RUSC2: variants seen among roughly 807,000 people sequenced by gnomAD.
RUSC2 encodes the protein RUN and SH3 domain containing 2, also known as AP-4 complex accessory subunit RUSC2.
RUSC2 carries 34 observed loss-of-function variants against 122.2 expected under a neutral mutation model. The ratio of observed to expected loss-of-function variants is 0.28; its 90% CI spans 0.21 to 0.37. The LOEUF (loss-of-function observed/expected upper bound fraction) is 0.37, where lower values mean the gene tolerates loss of function less well. Among genes scored for constraint, RUSC2 ranks in the 10% least tolerant of loss-of-function variants. RUSC2 has a pLI of 1.00. For synonymous variants in RUSC2, 784 were observed against 790.0 expected, an observed-to-expected ratio of 0.99 and a Z score of 0.13; for missense variants, 1,747 against 1,952.4, an observed-to-expected ratio of 0.89 and a Z score of 1.98.
At chr9:35,542,561 T>G (rs1161833937) in intron 1 of RUSC2, among the ~76,000 whole-genome samples, 1 of 152,204 alleles carries the variant, frequency 6.6e-6, no homozygotes, top group African/African-American at 2.4e-5. Flanking sequence ...CCAGAATAAA[T>G]GTTAAAACTC....
chr9:35,546,286 T>C lies in RUSC2; in HGVS notation c.-92-144T>C. ...GCATGGTTACGTCCCCACCTGCCTA[T>C]TGGGCTGTGTGGTCAAGCTCCATCT... On this transcript the variant is annotated intron_variant, in intron 1 of 11. Coordinates refer to ENST00000361226, the MANE Select transcript of RUSC2 (RefSeq NM_014806.5). The surrounding 1 kb of genome is among the most constrained non-coding windows in gnomAD (Gnocchi z 4.3). 2.8e-6 allele frequency: 1 copy of C among 354,880 alleles called. No homozygotes were observed. The highest frequency in any genetic ancestry group is 5.0e-6 in the Non-Finnish European group (1 of 198,432). 22.0% of individuals were successfully genotyped at this position (354,880 alleles called of 1,614,324 possible).
rs528846729 is a variant in RUSC2 at position 35,523,435 on chromosome 9, C to A, written c.-92-22995C>A. Among the ~76,000 whole-genome samples, 26 of 152,210 alleles carry A rather than the reference C, an allele frequency of 1.7e-4. 1 individual carries two copies. In the South Asian group the frequency reaches 4.8e-3, roughly 28 times the overall value. On this transcript the variant is annotated intron_variant, in intron 1 of 11. Transcript: ENST00000361226. ...CAGGAACTCTGAACTATCTTTGCAA[C>A]TTTTTATAACTGTAAATTATTCCAA...
At chr9:35,493,697 T>C (rs953531287) in intron 1 of RUSC2, among the ~76,000 whole-genome samples, 1 of 152,018 alleles carries the variant, frequency 6.6e-6, no homozygotes, top group Non-Finnish European at 1.5e-5. Flanking sequence ...GAGAGGGGGT[T>C]TCACCACGTT....
At chr9:35,502,778 T>C (rs1353110319) in intron 1 of RUSC2, among the ~76,000 whole-genome samples, 1 of 152,196 alleles carries the variant, frequency 6.6e-6, no homozygotes, top group Non-Finnish European at 1.5e-5. Flanking sequence ...TGTGGTTTTA[T>C]AGTACTTTTA....
At chr9:35,539,226 T>A (rs1046048174) in intron 1 of RUSC2, 1 of 7,092 alleles carries the variant, frequency 1.4e-4, no homozygotes, top group Non-Finnish European at 2.4e-4. Context: ...AGGGGGGCGG[T>A]GCGGGGGGGG....
intron 1 of RUSC2, among the ~76,000 whole-genome samples, chr9:35,497,775 G>T (rs1442877635): frequency 6.6e-6 from 1 of 152,168 alleles, no homozygotes; most frequent in Non-Finnish European, 1.5e-5. Flanking sequence ...AGATCATTGG[G>T]CATGCAGATT....
chr9:35,529,675 CAT>C (rs1423278862), intron 1 of RUSC2, among the ~76,000 whole-genome samples: 11 of 151,292 alleles, frequency 7.3e-5, no homozygotes, highest in African/African-American at 1.5e-4. Flanking sequence ...GCTCCAGGGT[CAT>C]GACTGGATAT....
intron 1 of RUSC2, among the ~76,000 whole-genome samples, chr9:35,512,091 G>A (rs1821020426): frequency 6.6e-6 from 1 of 152,094 alleles, no homozygotes; most frequent in Non-Finnish European, 1.5e-5. Flanking sequence ...TGAGGCAGGA[G>A]AATGGCATGA....
intron 1 of RUSC2, among the ~76,000 whole-genome samples, chr9:35,531,077 G>A (rs1821409109): frequency 6.6e-6 from 1 of 151,878 alleles, no homozygotes; most frequent in Non-Finnish European, 1.5e-5. Context: ...GGCTAACATG[G>A]TGAAACCCCG....
chr9:35,509,632 A>G (rs1006726558), intron 1 of RUSC2, among the ~76,000 whole-genome samples: 2 of 152,264 alleles, frequency 1.3e-5, no homozygotes, highest in Non-Finnish European at 2.9e-5. Flanking sequence ...TATTGAAAAG[A>G]AAACACTGGC....
chr9:35,537,901 CT>C (rs1260919303), intron 1 of RUSC2, among the ~76,000 whole-genome samples: 1 of 152,230 alleles, frequency 6.6e-6, no homozygotes, highest in Non-Finnish European at 1.5e-5. Flanking sequence ...CTCACCGCTA[CT>C]TCCTGTACAA....
At chr9:35,539,822 C>G (rs1821607882) in intron 1 of RUSC2, among the ~76,000 whole-genome samples, 1 of 152,176 alleles carries the variant, frequency 6.6e-6, no homozygotes, top group African/African-American at 2.4e-5. Flanking sequence ...GCCCTCCTCC[C>G]TTTGATCCTA....
chr9:35,556,032 A>T lies in RUSC2; in HGVS notation c.2737A>T (p.Ser913Cys). Reference sequence around the variant, plus strand: ...ACTAGGGCCACCTGGTTTGTCAGGGAGCCTAGACCGAAGATCACAAGAAGC... The same window carrying T: ...ACTAGGGCCACCTGGTTTGTCAGGGTGCCTAGACCGAAGATCACAAGAAGC... ...NPLGPPGLSGSLDRRSQEARL... is the reference protein window; with the variant it reads ...NPLGPPGLSGCLDRRSQEARL... Residue 913 changes from serine to cysteine, a missense_variant, in exon 4 of 12, where the codon AGC (serine) becomes TGC (cysteine). Physicochemically the swap from Ser to Cys is moderately radical, Grantham distance 112. Transcript: ENST00000361226. The T allele has an allele frequency of 6.2e-7, 1 of 1,614,198 alleles. No individual in the cohort carries two copies. The highest frequency in any genetic ancestry group is 8.5e-7 in the Non-Finnish European group (1 of 1,180,030).
chr9:35,525,578 T>C (rs1055918061), intron 1 of RUSC2, among the ~76,000 whole-genome samples: 1 of 151,960 alleles, frequency 6.6e-6, no homozygotes, highest in Non-Finnish European at 1.5e-5. Flanking sequence ...GGCAGGCGGA[T>C]CACCTGAGGC....
At chr9:35,502,247 C>T (rs1444107550) in intron 1 of RUSC2, among the ~76,000 whole-genome samples, 5 of 152,174 alleles carry the variant, frequency 3.3e-5, no homozygotes, top group South Asian at 2.1e-4. Context: ...TGTTCTCAGC[C>T]TCTTACTTAG....
chr9:35,495,263 A>T (rs1369521299), intron 1 of RUSC2, among the ~76,000 whole-genome samples: 1 of 111,174 alleles, frequency 9.0e-6, no homozygotes, highest in African/African-American at 3.2e-5. Flanking sequence ...TATAAAATAT[A>T]TTTTTTATAT....
chr9:35,525,666 G>A (rs1821310141), intron 1 of RUSC2, among the ~76,000 whole-genome samples: 1 of 152,130 alleles, frequency 6.6e-6, no homozygotes, highest in African/African-American at 2.4e-5. Context: ...TGGCGTGGAG[G>A]CACACTCCTG....
At chr9:35,521,281 ATGGT>A (rs1821209463) in intron 1 of RUSC2, among the ~76,000 whole-genome samples, 1 of 152,174 alleles carries the variant, frequency 6.6e-6, no homozygotes, top group African/African-American at 2.4e-5. Context: ...AGGGAATCAA[ATGGT>A]TGGCCTAATG....
chr9:35,516,003 A>C (rs1251494054), intron 1 of RUSC2, among the ~76,000 whole-genome samples: 2 of 97,912 alleles, frequency 2.0e-5, no homozygotes, highest in South Asian at 4.1e-4. Flanking sequence ...TTGTCTCAAA[A>C]AAAAAAAAAA....
Sources: allele counts gnomAD v4.1 joint callset (sites outside exome capture counted in the v4.1 genomes callset), GRCh38; gene constraint gnomAD v4.1.1; non-coding constraint Gnocchi (gnomAD v3.1); transcripts MANE v1.5; gene names NCBI Gene and HGNC (gene_info 2026-07-23, HGNC 2026-07-21).